Variants in NALCN observed in about 807,000 individuals in gnomAD.
NALCN encodes the protein sodium leak channel NALCN.
NALCN carries 111 observed loss-of-function variants against 225.3 expected under a neutral mutation model. The observed-to-expected ratio is 0.49, with a 90% CI of 0.42 to 0.58. The LOEUF is 0.58. Among genes scored for constraint, NALCN ranks in the 20% least tolerant of loss-of-function variants. The probability of loss-of-function intolerance (pLI) is 0.00; values close to 1 mark genes in which losing one functional copy is unlikely to be tolerated. For missense variants in NALCN, 1,378 were observed against 2,202.4 expected (o/e 0.63, Z 7.49); for synonymous variants, 764 against 769.0 (o/e 0.99, Z 0.11).
rs2041272382 is a variant in NALCN, at chr13:101,229,669, T to A, written c.1435-85A>T. ...TAAATATATTCATACTAAAATATTA[T>A]TTTATAGTGCTTTATGAAAATCATA... is the stretch of plus-strand genomic sequence containing the variant. On this transcript the variant is annotated intron_variant, in intron 12 of 43. Coordinates refer to ENST00000251127, the MANE Select transcript of NALCN (RefSeq NM_052867.4). 5 of 500,396 alleles carry A rather than the reference T, an allele frequency of 1.0e-5. No individual in the cohort carries two copies. In the Admixed American group the frequency reaches 2.2e-4, roughly 22 times the overall value. The allele number at this position is 500,396 out of a possible 1,614,324, so 31.0% of individuals were successfully genotyped here. A position where few individuals can be genotyped will look rare whatever the true frequency, so the allele number is the denominator to read the frequency against.
At chr13:101,059,733 C>T in intron 42 of NALCN, 85 bp downstream of exon 42, 2 of 1,186,328 alleles carry the variant, frequency 1.7e-6, no homozygotes. Context: ...TTTGAATGAT[C>T]TGACCAGCAC....
intron 10 of NALCN, among the ~76,000 whole-genome samples, chr13:101,271,928 T>C (rs1258312664): frequency 2.6e-5 from 4 of 151,398 alleles, no homozygotes; most frequent in Non-Finnish European, 4.4e-5. Context: ...ACTGTGTGTA[T>C]GTACGTGTGA....
chr13:101,315,910 T>G (rs2044537117), intron 7 of NALCN, among the ~76,000 whole-genome samples: 2 of 152,026 alleles, frequency 1.3e-5, no homozygotes, highest in South Asian at 4.1e-4. Context: ...TCCTATCTGA[T>G]ATGCTCCTGA....
At chr13:101,329,270 A>C (rs1457259113) in intron 7 of NALCN, among the ~76,000 whole-genome samples, 1 of 152,202 alleles carries the variant, frequency 6.6e-6, no homozygotes, top group Non-Finnish European at 1.5e-5. Flanking sequence ...GGTAATTCTG[A>C]ATTAGGGTTT....
Position 101,103,339 on chromosome 13 carries a change from C to T in NALCN, c.2890G>A (p.Val964Met). The T allele has an allele frequency of 1.9e-6, 3 of 1,603,244 alleles. No individual in the cohort carries two copies. Among genetic ancestry groups the T allele is most frequent in the Admixed American group, 1.8e-5 (1 of 57,134 alleles). Residue 964 changes from valine (V) to methionine (M), a missense_variant and splice_region_variant, in exon 26 of 44, where the codon GTG (valine) becomes ATG (methionine). By Grantham distance (21) the Val-to-Met change is conservative. Transcript: ENST00000251127. ...GGVMDIFIYL[V>M]SLIFLCWMPQ... The stretch of plus-strand genomic sequence containing the variant: ...ATCCAACAAAGAAATATCAAGCTCA[C>T]CTAAAGGGGAACAAATGATCTCTGG...
At position 101,283,973 on chromosome 13, in the gene NALCN, T is replaced by C. The variant is rs2043254329; in HGVS notation, c.1094A>G (p.Asp365Gly). The change falls in exon 10 of 44, where the codon GAT (aspartate) becomes GGT (glycine). Residue 365 changes from aspartate to glycine, a missense_variant. Physicochemically the swap from Asp to Gly is moderately conservative, Grantham distance 94. Coordinates refer to ENST00000251127, the MANE Select transcript of NALCN (RefSeq NM_052867.4). The stretch of plus-strand genomic sequence containing the variant: ...GGCGCGTCCCTGGGGCTTGTTGACA[T>C]CCACAGCTACCAGCTGCCAACCTCC... The part of the protein sequence containing the change: ...AAGGWQLVAV[D>G]VNKPQGRAPA... 6.2e-7 allele frequency: 1 copy of C among 1,613,620 alleles called. No individual in the cohort carries two copies. Among genetic ancestry groups the C allele is most frequent in the Non-Finnish European group, 8.5e-7 (1 of 1,179,926 alleles).
At chr13:101,060,272 TCTG>T (rs2031756911) in intron 41 of NALCN, among the ~76,000 whole-genome samples, 1 of 122,590 alleles carries the variant, frequency 8.2e-6, no homozygotes, top group Non-Finnish European at 1.6e-5. Context: ...GTTGGTGTTT[TCTG>T]TTTTTTTTTT....
rs541418087 is a variant in NALCN, at chr13:101,295,933, C to T, written c.800-3567G>A. Among the ~76,000 whole-genome samples the T allele has an allele frequency of 3.3e-5, 5 of 152,286 alleles. No individual in the cohort carries two copies. The South Asian group carries it at 1.0e-3, about 32-fold the overall frequency. ...ACTGACAAAAATCAAATGTATGTTCCTTTCATTTTCTTTGGGAAGTGGAGG... is the reference window on the plus strand; with the variant it reads ...ACTGACAAAAATCAAATGTATGTTCTTTTCATTTTCTTTGGGAAGTGGAGG... On this transcript the variant is annotated intron_variant, in intron 7 of 43. Transcript: ENST00000251127.
At chr13:101,320,854 G>T (rs1445522430) in intron 7 of NALCN, among the ~76,000 whole-genome samples, 1 of 151,948 alleles carries the variant, frequency 6.6e-6, no homozygotes, top group East Asian at 1.9e-4. Context: ...CCTTTTATTT[G>T]ATTCTAACAC....
Position 101,374,486 on chromosome 13 carries a change from C to T in NALCN, c.644+2214G>A, listed in dbSNP as rs141228568. Among the ~76,000 whole-genome samples, 80 of 152,004 alleles carry T rather than the reference C, an allele frequency of 5.3e-4. 2 individuals are homozygous for T. In the East Asian group the frequency reaches 9.9e-3, roughly 19 times the overall value. ...ATTTTTAGTAGAGAGGGGGTTTCAC[C>T]GTATTGGTCAGGCTGGTCTGGAACT... On this transcript the variant is annotated intron_variant, in intron 6 of 43. Transcript: ENST00000251127.
At chr13:101,356,611 G>C (rs1046935307) in intron 6 of NALCN, among the ~76,000 whole-genome samples, 2 of 152,158 alleles carry the variant, frequency 1.3e-5, no homozygotes, top group Non-Finnish European at 1.5e-5. Flanking sequence ...GGTACAAAGA[G>C]GAGCTGGTAT....
intron 1 of NALCN, among the ~76,000 whole-genome samples, chr13:101,414,386 A>C (rs2047874381): frequency 6.6e-6 from 1 of 152,244 alleles, no homozygotes; most frequent in South Asian, 2.1e-4. Flanking sequence ...ATAGAGGTGT[A>C]GATGTGAATT....
chr13:101,252,599 G>A (rs1223537163), intron 11 of NALCN, among the ~76,000 whole-genome samples: 3 of 152,082 alleles, frequency 2.0e-5, no homozygotes, highest in Admixed American at 1.3e-4. Flanking sequence ...ACAGAGTTGA[G>A]GGTAAGAGGA....
At chr13:101,353,042 T>A (rs1379162673) in intron 6 of NALCN, among the ~76,000 whole-genome samples, 4 of 152,194 alleles carry the variant, frequency 2.6e-5, no homozygotes, top group Non-Finnish European at 5.9e-5. Context: ...TTGTTTTTGA[T>A]TGCATCTGTA....
chr13:101,163,202 C>CTATATATA (rs35489402), intron 15 of NALCN, among the ~76,000 whole-genome samples: 3 of 150,880 alleles, frequency 2.0e-5, no homozygotes, highest in East Asian at 3.9e-4. Flanking sequence ...CATGCCTGGC[C>CTATATATA]TATATATATA....
chr13:101,343,943 G>C (rs538391183), intron 7 of NALCN, among the ~76,000 whole-genome samples: 24 of 152,164 alleles, frequency 1.6e-4, no homozygotes, highest in African/African-American at 5.5e-4. Context: ...TTTCTGTAAG[G>C]GCAACCTTAA....
At chr13:101,302,128 A>G (rs552448095) in intron 7 of NALCN, among the ~76,000 whole-genome samples, 3 of 152,332 alleles carry the variant, frequency 2.0e-5, no homozygotes, top group Admixed American at 2.0e-4. Context: ...AAAATTCATA[A>G]TAGTCCAAAA....
chr13:101,363,358 C>G (rs1473064799), intron 6 of NALCN, among the ~76,000 whole-genome samples: 1 of 152,098 alleles, frequency 6.6e-6, no homozygotes, highest in East Asian at 1.9e-4. Flanking sequence ...GCTATAGCAA[C>G]CAAACCAGCA....
At chr13:101,109,677 C>T (rs1046583579) in intron 20 of NALCN, among the ~76,000 whole-genome samples, 4 of 152,146 alleles carry the variant, frequency 2.6e-5, no homozygotes, top group Admixed American at 1.3e-4. Context: ...TTCATAATTA[C>T]GGTTATTTAA....
Sources: gnomAD v4.1 joint callset for allele counts (sites outside exome capture counted in the v4.1 genomes callset) on GRCh38, gnomAD v4.1.1 for gene constraint, MANE v1.5 for transcripts, NCBI Gene and HGNC (gene_info 2026-07-23, HGNC 2026-07-21) for gene names.